Variants in WDFY2 observed in about 807,000 individuals in gnomAD.
The protein encoded by WDFY2 is WD repeat and FYVE domain containing 2, also known as WD repeat and FYVE domain-containing protein 2.
WDFY2 carries 36 observed loss-of-function variants against 56.4 expected under a neutral mutation model. The observed-to-expected ratio is 0.64, with a 90% CI of 0.49 to 0.84. The LOEUF (loss-of-function observed/expected upper bound fraction) is 0.84, where lower values mean the gene tolerates loss of function less well. Among genes scored for constraint, WDFY2 ranks in the 40% least tolerant of loss-of-function variants. WDFY2 has a pLI of 0.00. For missense variants in WDFY2, 444 were observed against 512.2 expected (o/e 0.87, Z 1.29); for synonymous variants, 176 against 183.7 (o/e 0.96, Z 0.34).
chr13:51,600,538 G>A (rs1000336996), intron 1 of WDFY2, among the ~76,000 whole-genome samples: 6 of 152,170 alleles, frequency 3.9e-5, no homozygotes, highest in African/African-American at 1.4e-4. Context: ...TTACATTACA[G>A]TCTAGATAAG....
chr13:51,658,037 A>G (rs1015755949), intron 1 of WDFY2, among the ~76,000 whole-genome samples: 2 of 151,764 alleles, frequency 1.3e-5, no homozygotes, highest in Non-Finnish European at 2.9e-5. Flanking sequence ...TTTTCTTTGT[A>G]TACTTTGCAA....
intron 3 of WDFY2, among the ~76,000 whole-genome samples, chr13:51,675,758 G>A (rs1453539612): frequency 2.6e-5 from 4 of 152,124 alleles, no homozygotes; most frequent in Non-Finnish European, 5.9e-5. Context: ...GTGAAAAAAA[G>A]CACAGAATCT....
At chr13:51,698,839 G>A (rs558128955) in intron 3 of WDFY2, among the ~76,000 whole-genome samples, 10 of 152,234 alleles carry the variant, frequency 6.6e-5, no homozygotes, top group Admixed American at 1.3e-4. Context: ...TCAGTACTAC[G>A]AAAGATTTGA....
intron 1 of WDFY2, among the ~76,000 whole-genome samples, chr13:51,632,583 C>A (rs1418179255): frequency 6.6e-6 from 1 of 152,158 alleles, no homozygotes; most frequent in African/African-American, 2.4e-5. Flanking sequence ...TGCATCTCTT[C>A]TTTAGGCTAC....
chr13:51,645,136 T>C (rs904886689), intron 1 of WDFY2, among the ~76,000 whole-genome samples: 1 of 152,294 alleles, frequency 6.6e-6, no homozygotes, highest in African/African-American at 2.4e-5. Flanking sequence ...GAAGCTTTTT[T>C]TTTTCTTTTT....
At chr13:51,654,027 C>G (rs1441590070) in intron 1 of WDFY2, among the ~76,000 whole-genome samples, 1 of 152,188 alleles carries the variant, frequency 6.6e-6, no homozygotes, top group Non-Finnish European at 1.5e-5. Flanking sequence ...AGGCAGACGC[C>G]TCCTTGAGCT....
intron 3 of WDFY2, among the ~76,000 whole-genome samples, chr13:51,688,071 A>C (rs914774037): frequency 6.6e-6 from 1 of 152,128 alleles, no homozygotes; most frequent in Non-Finnish European, 1.5e-5. Context: ...GTGTAGGAGA[A>C]ATTGAGTGGG....
chr13:51,629,826 CTTT>C (rs11432630), intron 1 of WDFY2, among the ~76,000 whole-genome samples: 1 of 125,140 alleles, frequency 8.0e-6, no homozygotes, highest in Non-Finnish European at 1.6e-5. Context: ...TCTTTCTTTT[CTTT>C]TTTTTTTTTT....
chr13:51,729,250 T>A (rs951359179), intron 6 of WDFY2, among the ~76,000 whole-genome samples: 1 of 151,976 alleles, frequency 6.6e-6, no homozygotes, highest in Non-Finnish European at 1.5e-5. Context: ...ACACTCACGA[T>A]TTCCTGTGCA....
At position 51,736,356 on chromosome 13, in the gene WDFY2, A is replaced by G. The variant is rs1445103804; in HGVS notation, c.599-2693A>G. Among the ~76,000 whole-genome samples, 3 of 152,214 alleles carry G rather than the reference A, an allele frequency of 2.0e-5. No homozygotes were observed. The East Asian group carries it at 5.8e-4, about 29-fold the overall frequency. On this transcript the variant is annotated intron_variant, in intron 6 of 11. Coordinates refer to ENST00000298125, the MANE Select transcript of WDFY2 (RefSeq NM_052950.4). The stretch of plus-strand genomic sequence containing the variant: ...CCTAATAAAGATAGGGCTGGGATTT[A>G]AGACTAGATTCTGGTTCCAGAGCCT...
intron 1 of WDFY2, among the ~76,000 whole-genome samples, chr13:51,649,877 TTTAGGA>T (rs974352151): frequency 2.0e-5 from 3 of 151,526 alleles, no homozygotes; most frequent in African/African-American, 7.3e-5. Context: ...GTTCTTTTGG[TTTAGGA>T]TTGACTTGGC....
At chr13:51,746,632 C>T (rs1467909531) in intron 7 of WDFY2, among the ~76,000 whole-genome samples, 1 of 152,206 alleles carries the variant, frequency 6.6e-6, no homozygotes, top group Non-Finnish European at 1.5e-5. Context: ...TAAGGAATCT[C>T]TGTAATAGTT....
chr13:51,719,972 AGCT>A (rs1198031729), intron 5 of WDFY2, among the ~76,000 whole-genome samples: 8 of 152,188 alleles, frequency 5.3e-5, no homozygotes, highest in South Asian at 4.1e-4. Flanking sequence ...TAATGCTCAC[AGCT>A]GCCCGACTAG....
chr13:51,683,858 A>G (rs1956017892), intron 3 of WDFY2, among the ~76,000 whole-genome samples: 2 of 151,982 alleles, frequency 1.3e-5, no homozygotes, highest in South Asian at 2.1e-4. Context: ...CTGGGCTTGT[A>G]TGTCTTTGCT....
At chr13:51,724,929 C>T (rs1483196566) in intron 5 of WDFY2, among the ~76,000 whole-genome samples, 1 of 152,214 alleles carries the variant, frequency 6.6e-6, no homozygotes, top group Non-Finnish European at 1.5e-5. Flanking sequence ...TGCCTTCTGA[C>T]TCAACATGTC....
chr13:51,747,530 T>TA (rs1189016422), intron 7 of WDFY2, among the ~76,000 whole-genome samples: 2 of 152,350 alleles, frequency 1.3e-5, no homozygotes, highest in East Asian at 3.9e-4. Context: ...CATTTCTTTT[T>TA]AAAAAATTGT....
chr13:51,660,579 A>G lies in WDFY2; in HGVS notation c.138-17A>G. 3.1e-6 allele frequency: 5 copies of G among 1,610,274 alleles called. No homozygotes were observed. The highest frequency in any genetic ancestry group is 4.2e-6 in the Non-Finnish European group (5 of 1,176,998). On this transcript the variant is annotated splice_polypyrimidine_tract_variant and intron_variant, in intron 1 of 11. Coordinates refer to ENST00000298125, the MANE Select transcript of WDFY2 (RefSeq NM_052950.4). ...AAGAATAATGTGATTTCATGTACAT[A>G]TTTTCTTCTGTTGTAGGACAGTTCG...
chr13:51,653,024 C>T lies in WDFY2; in HGVS notation c.138-7572C>T, dbSNP rs564115527. On this transcript the variant is annotated intron_variant, in intron 1 of 11. Transcript: ENST00000298125. ...TTTTCCAACTTGGTTCCATTCTCCCCGTCACTTTCAGGTACACCAATCAGA... is the reference window on the plus strand; with the variant it reads ...TTTTCCAACTTGGTTCCATTCTCCCTGTCACTTTCAGGTACACCAATCAGA... Among the ~76,000 whole-genome samples the T allele has an allele frequency of 2.6e-4, 39 of 152,278 alleles. 1 individual carries two copies. Among genetic ancestry groups the T allele is most frequent in the African/African-American group, 6.0e-4 (25 of 41,544 alleles).
At chr13:51,719,036 C>G (rs1473735167) in intron 4 of WDFY2, among the ~76,000 whole-genome samples, 162 bp from the exon 5 acceptor site, 4 of 152,152 alleles carry the variant, frequency 2.6e-5, no homozygotes, top group Non-Finnish European at 5.9e-5. Flanking sequence ...GGGAATACCC[C>G]CAACCCCCAC....
Sources: gnomAD v4.1 joint callset for allele counts (sites outside exome capture counted in the v4.1 genomes callset) on GRCh38, gnomAD v4.1.1 for gene constraint, MANE v1.5 for transcripts, NCBI Gene and HGNC (gene_info 2026-07-23, HGNC 2026-07-21) for gene names.